The following SHTN1 variants were observed in gnomAD, a reference collection of about 807,000 sequenced individuals.
SHTN1 encodes the protein shootin 1, also known as shootin-1.
SHTN1 carries 42 observed loss-of-function variants against 83.1 expected under a neutral mutation model. The observed-to-expected ratio is 0.51, with a 90% confidence interval of 0.39 to 0.65. The LOEUF (loss-of-function observed/expected upper bound fraction) is 0.65, where lower values mean the gene tolerates loss of function less well. Among genes scored for constraint, SHTN1 ranks in the 30% least tolerant of loss-of-function variants. SHTN1 has a pLI of 0.00. For missense variants in SHTN1, 622 were observed against 737.8 expected (o/e 0.84, Z 1.82); for synonymous variants, 224 against 247.7 (o/e 0.90, Z 0.90).
intron 16 of SHTN1, among the ~76,000 whole-genome samples, chr10:116,895,095 A>G (rs954309381): frequency 6.6e-6 from 1 of 152,110 alleles, no homozygotes; most frequent in Non-Finnish European, 1.5e-5. Context: ...ACAATAATAA[A>G]ATGTATTTGG....
intron 2 of SHTN1, among the ~76,000 whole-genome samples, chr10:117,041,146 T>C (rs1589907870): frequency 6.6e-6 from 1 of 150,494 alleles, no homozygotes; most frequent in East Asian, 2.0e-4. Flanking sequence ...TTTGTGTTAC[T>C]TATTTCTGCA....
chr10:116,895,827 C>T (rs1314826263), intron 16 of SHTN1, among the ~76,000 whole-genome samples: 4 of 152,162 alleles, frequency 2.6e-5, no homozygotes, highest in Non-Finnish European at 4.4e-5. Context: ...AAGTTGTTTA[C>T]CTCACTGAGC....
chr10:117,039,778 A>G (rs1852556354), intron 2 of SHTN1, among the ~76,000 whole-genome samples: 1 of 151,442 alleles, frequency 6.6e-6, no homozygotes, highest in Non-Finnish European at 1.5e-5. Flanking sequence ...GCTTGAACCC[A>G]GGAGGCAGAG....
At chr10:116,981,752 T>C (rs555407445) in intron 1 of SHTN1, among the ~76,000 whole-genome samples, 6 of 152,126 alleles carry the variant, frequency 3.9e-5, no homozygotes, top group Non-Finnish European at 8.8e-5. Context: ...GAATGAACAA[T>C]AAAGGCTTAT....
chr10:117,011,104 G>A (rs1483386704), intron 2 of SHTN1, among the ~76,000 whole-genome samples: 1 of 152,210 alleles, frequency 6.6e-6, no homozygotes, highest in African/African-American at 2.4e-5. Context: ...ATCCAAGTTG[G>A]AAAGGAGGAC....
intron 2 of SHTN1, among the ~76,000 whole-genome samples, chr10:117,037,838 T>C (rs1261465486): frequency 2.6e-5 from 4 of 151,548 alleles, no homozygotes; most frequent in Non-Finnish European, 5.9e-5. Context: ...AAACCCCATC[T>C]CTACTAAAAA....
At chr10:117,112,391 A>G (rs1853781047) in intron 1 of SHTN1, among the ~76,000 whole-genome samples, 1 of 152,172 alleles carries the variant, frequency 6.6e-6, no homozygotes, top group African/African-American at 2.4e-5. Context: ...TTGGTATCAC[A>G]TATTAAAGCC....
At chr10:116,914,938 A>G (rs1057009158) in intron 13 of SHTN1, among the ~76,000 whole-genome samples, 1 of 152,166 alleles carries the variant, frequency 6.6e-6, no homozygotes, top group African/African-American at 2.4e-5. Context: ...TGTTGTTATT[A>G]TGTGATTCCG....
At chr10:116,922,017 C>T (rs1227562973) in intron 11 of SHTN1, among the ~76,000 whole-genome samples, 1 of 152,068 alleles carries the variant, frequency 6.6e-6, no homozygotes, top group African/African-American at 2.4e-5. Flanking sequence ...CATTTAAAAA[C>T]AAATCTATGT....
intron 1 of SHTN1, among the ~76,000 whole-genome samples, chr10:117,106,428 C>G (rs1267422730): frequency 6.6e-6 from 1 of 152,184 alleles, no homozygotes; most frequent in Non-Finnish European, 1.5e-5. Flanking sequence ...GCACTCTAGC[C>G]TGGGCGACAG....
intron 1 of SHTN1, among the ~76,000 whole-genome samples, chr10:117,078,163 C>CTTTCAATGG (rs1432251603): frequency 5.3e-5 from 8 of 152,246 alleles, no homozygotes; most frequent in Non-Finnish European, 1.0e-4. Context: ...ACATTTTAAA[C>CTTTCAATGG]ACATGGGATT....
At chr10:117,077,340 G>A (rs1379723200) in intron 1 of SHTN1, among the ~76,000 whole-genome samples, 1 of 152,218 alleles carries the variant, frequency 6.6e-6, no homozygotes, top group African/African-American at 2.4e-5. Context: ...ATAGAGGTAT[G>A]TGTGTGGAGA....
At chr10:117,041,173 CTT>C (rs1476076238) in intron 2 of SHTN1, among the ~76,000 whole-genome samples, 20 of 151,666 alleles carry the variant, frequency 1.3e-4, no homozygotes, top group Admixed American at 1.3e-3. Context: ...TCACACACCT[CTT>C]GAGGACAAGG....
At chr10:116,933,733 GAATC>G (rs973030742) in intron 9 of SHTN1, among the ~76,000 whole-genome samples, 40 of 152,200 alleles carry the variant, frequency 2.6e-4, no homozygotes, top group African/African-American at 9.2e-4. Flanking sequence ...GACCCTTGAG[GAATC>G]ACCACACTGT....
chr10:117,067,620 A>T (rs1032547181), intron 1 of SHTN1, among the ~76,000 whole-genome samples: 31 of 152,174 alleles, frequency 2.0e-4, no homozygotes, highest in African/African-American at 3.1e-4. Context: ...ATAAAAAAAA[A>T]TTTTAAAATC....
chr10:117,097,002 C>T (rs746781072), intron 1 of SHTN1, among the ~76,000 whole-genome samples: 20 of 148,346 alleles, frequency 1.3e-4, no homozygotes, highest in Admixed American at 6.9e-4. Flanking sequence ...CACCCAAGCG[C>T]GCACGCGCGC....
At chr10:116,955,100 C>CAAAAA (rs59777387) in intron 4 of SHTN1, among the ~76,000 whole-genome samples, 3 of 87,746 alleles carry the variant, frequency 3.4e-5, no homozygotes, top group East Asian at 3.1e-4. Context: ...TACTTCACAG[C>CAAAAA]AAAAAAAAAA....
rs17095392 is a variant in SHTN1 at position 116,884,451 on chromosome 10, T to C, written c.*1893A>G. 9,626 of 354,938 alleles carry C rather than the reference T, an allele frequency of 0.027. 739 individuals carry two copies. Among genetic ancestry groups the C allele is most frequent in the African/African-American group, 0.17 (7,919 of 46,930 alleles). The allele number at this position is 354,938 out of a possible 1,614,324, so 22.0% of individuals were successfully genotyped here. A position where few individuals can be genotyped will look rare whatever the true frequency, so the allele number is the denominator to read the frequency against. On this transcript the variant is annotated 3_prime_UTR_variant, in exon 17 of 17. Coordinates refer to ENST00000355371, the MANE Select transcript of SHTN1 (RefSeq NM_001127211.3). ...GGAATACTTTCAAAATACCTGTTAC[T>C]AATTGTTCCCTAGTCCAGCTAACAC...
chr10:117,035,696 A>C (rs1215734098), intron 2 of SHTN1, among the ~76,000 whole-genome samples: 1 of 152,130 alleles, frequency 6.6e-6, no homozygotes, highest in Non-Finnish European at 1.5e-5. Flanking sequence ...TCACGTCTGT[A>C]ATCCCAGCAC....
Sources: allele counts gnomAD v4.1 joint callset (sites outside exome capture counted in the v4.1 genomes callset), GRCh38; gene constraint gnomAD v4.1.1; transcripts MANE v1.5; gene names NCBI Gene and HGNC (gene_info 2026-07-23, HGNC 2026-07-21).